The following PLCB3 variants were observed in gnomAD, a reference collection of about 807,000 sequenced individuals.
The protein encoded by PLCB3 is phospholipase C beta 3.
In PLCB3, 54 loss-of-function variants were observed where a neutral mutation model predicts 152.1. The observed-to-expected ratio is 0.36, with a 90% confidence interval of 0.29 to 0.45. The LOEUF is 0.45. Ranked by LOEUF, PLCB3 falls within the 20% of genes least tolerant of loss-of-function variation. The pLI, the probability that PLCB3 is intolerant of heterozygous loss-of-function variation, is 1.00. For missense variants in PLCB3, 1,248 were observed against 1,687.5 expected, an observed-to-expected ratio of 0.74 and a Z score of 4.56; for synonymous variants, 717 against 698.7, an observed-to-expected ratio of 1.03 and a Z score of -0.41.
Position 64,255,631 on chromosome 11 carries a change from G to GT in PLCB3, c.597+15_597+16insT. On this transcript the variant is annotated intron_variant, in intron 7 of 30. Transcript: ENST00000279230. This position sits in a 1 kb window ranked among gnomAD's most constrained non-coding sequence, Gnocchi z 6.8. Reference sequence around the variant, plus strand: ...AATTCAACCGGGTGTGTGGGGTGGGGACAGGGGCGGGGTGGGGTGTCACGG... The same window carrying GT: ...AATTCAACCGGGTGTGTGGGGTGGGGTACAGGGGCGGGGTGGGGTGTCACGG... The GT allele has an allele frequency of 1.7e-6, 1 of 604,044 alleles. No homozygotes were observed. Among genetic ancestry groups the GT allele is most frequent in the Non-Finnish European group, 3.1e-6 (1 of 321,542 alleles). The allele number at this position is 604,044 out of a possible 1,614,324, so 37.4% of individuals were successfully genotyped here. A position where few individuals can be genotyped will look rare whatever the true frequency, so the allele number is the denominator to read the frequency against.
In PLCB3 at chr11:64,265,149, C is replaced by G. The variant is rs1471498825; in HGVS notation, c.2807-43C>G. 34 of 1,559,786 alleles carry G rather than the reference C, an allele frequency of 2.2e-5. 1 individual carries two copies. The highest frequency in any genetic ancestry group is 3.0e-5 in the Non-Finnish European group (34 of 1,147,434). ...GGGGGTGGGCTGCAGGGAGGCACCC[C>G]CCACCCTGTCCTCCAGCTCCTCACA... is the stretch of plus-strand genomic sequence containing the variant. On this transcript the variant is annotated intron_variant, in intron 23 of 30. Coordinates refer to ENST00000279230, the MANE Select transcript of PLCB3 (RefSeq NM_000932.5).
chr11:64,258,768 C>A lies in PLCB3; in HGVS notation c.1253+55C>A. ...GGACCGGGGGACAGTCTTCCAGCTT[C>A]AGTGCTGTTGGACTGCTCAGGGACC... is the stretch of plus-strand genomic sequence containing the variant. On this transcript the variant is annotated intron_variant, in intron 11 of 30. Transcript: ENST00000279230. This position sits in a 1 kb window ranked among gnomAD's most constrained non-coding sequence, Gnocchi z 7.2. 6.2e-7 allele frequency: 1 copy of A among 1,608,822 alleles called. No individual in the cohort carries two copies.
chr11:64,264,214 G>GC, intron 22 of PLCB3, 102 bp downstream of exon 22: 4 of 737,072 alleles, frequency 5.4e-6, no homozygotes, highest in South Asian at 2.3e-5. Context: ...TCTCTCTAGC[G>GC]CAGTAGGCTT....
intron 14 of PLCB3, among the ~76,000 whole-genome samples, chr11:64,260,443 G>A (rs1282875229): frequency 6.6e-6 from 1 of 152,080 alleles, no homozygotes; most frequent in Non-Finnish European, 1.5e-5. Context: ...GTGCGAGTTA[G>A]GGTACAGAAC....
chr11:64,265,989 G>A lies in PLCB3; in HGVS notation c.3139G>A (p.Glu1047Lys), dbSNP rs543434519. 2 of 1,614,100 alleles carry A rather than the reference G, an allele frequency of 1.2e-6. No individual in the cohort carries two copies. Among genetic ancestry groups the A allele is most frequent in the South Asian group, 1.1e-5 (1 of 91,086 alleles). The change falls in exon 26 of 31, where the codon GAG (glutamate) becomes AAG (lysine). Residue 1047 changes from glutamate to lysine, a missense_variant. Physicochemically the swap from Glu to Lys is moderately conservative, Grantham distance 56. This residue lies in a region of PLCB3 where 477 missense variants were observed against 489.6 expected (regional missense o/e 0.97). Coordinates refer to ENST00000279230, the MANE Select transcript of PLCB3 (RefSeq NM_000932.5). The stretch of plus-strand genomic sequence containing the variant: ...GGTGCAGAGCCTGCTGGAGCTGCGG[G>A]AGGCCCAGGTGGACGCAGAGGCCCA... ...RQVQSLLELR[E>K]AQVDAEAQRR...
chr11:64,267,584 C>T lies in PLCB3; in HGVS notation c.*28C>T. On this transcript the variant is annotated 3_prime_UTR_variant, in exon 31 of 31. Transcript: ENST00000279230. This position sits in a 1 kb window ranked among gnomAD's most constrained non-coding sequence, Gnocchi z 5.2. ...TGGCTGAGCGAGGTGGCCACAGGGCCAGGGCGGGCGCTGGGTGGAGGGCAG... is the reference window on the plus strand; with the variant it reads ...TGGCTGAGCGAGGTGGCCACAGGGCTAGGGCGGGCGCTGGGTGGAGGGCAG... 3 of 1,526,744 alleles carry T rather than the reference C, an allele frequency of 2.0e-6. No individual in the cohort carries two copies. Among genetic ancestry groups the T allele is most frequent in the Non-Finnish European group, 1.8e-6 (2 of 1,135,028 alleles). The allele number at this position is 1,526,744 out of a possible 1,614,324, so 94.6% of individuals were successfully genotyped here. A position where few individuals can be genotyped will look rare whatever the true frequency, so the allele number is the denominator to read the frequency against.
At chr11:64,264,261 A>C in intron 22 of PLCB3, 149 bp downstream of exon 22, 1 of 527,430 alleles carries the variant, frequency 1.9e-6, no homozygotes, top group African/African-American at 2.0e-5. Context: ...AAAACCACCC[A>C]TTTGCATTCA....
chr11:64,262,198 C>G, intron 17 of PLCB3, 122 bp downstream of exon 17: 1 of 1,438,966 alleles, frequency 6.9e-7, no homozygotes, highest in South Asian at 1.2e-5. Flanking sequence ...CCCAGGGGAA[C>G]CCAGCTCCCG....
chr11:64,266,343 G>C lies in PLCB3; in HGVS notation c.3295G>C (p.Asp1099His). The change falls in exon 28 of 31, where the codon GAC becomes CAC. Residue 1099 changes from aspartate to histidine, a missense_variant. Physicochemically the swap from Asp to His is moderately conservative, Grantham distance 81. Around this residue, in one of 6 missense-constraint regions of PLCB3, gnomAD observed 477 missense variants for 489.6 expected, o/e 0.97. Transcript: ENST00000279230. The surrounding 1 kb of genome is among the most constrained non-coding windows in gnomAD (Gnocchi z 4.9). ...GAAGAAGGAGCTGCAGAAGATCCTG[G>C]ACAGAAAGCGCCATAACAGCATCTC... The part of the protein sequence containing the change: ...REKKELQKIL[D>H]RKRHNSISEA... 2.5e-6 allele frequency: 4 copies of C among 1,613,322 alleles called. No homozygotes were observed. The highest frequency in any genetic ancestry group is 3.4e-6 in the Non-Finnish European group (4 of 1,179,816).
Position 64,256,680 on chromosome 11 carries a change from C to T in PLCB3, c.928C>T (p.Leu310=), listed in dbSNP as rs143997731. ...LGGEENGILP[L]EALDLSTDMT... ...AGGCGAGGAGAATGGCATCCTGCCCCTGGAAGCCCTGGATCTGAGCACGGA... is the reference window on the plus strand; with the variant it reads ...AGGCGAGGAGAATGGCATCCTGCCCTTGGAAGCCCTGGATCTGAGCACGGA... Residue 310 remains leucine, a synonymous_variant, in exon 10 of 31, where the codon CTG becomes TTG. Transcript: ENST00000279230. The T allele has an allele frequency of 5.7e-5, 92 of 1,614,220 alleles. No homozygotes were observed. In the African/African-American group the frequency reaches 1.1e-3, roughly 19 times the overall value.
Position 64,260,091 on chromosome 11 carries a change from C to T in PLCB3, c.1588C>T (p.Pro530Ser). ...TGGGGAGGAGGTAGGGCTTGAGAAG[C>T]CCAGCCTGGAGCCTCAGAAGTCTCT... ...SNGEEVGLEKPSLEPQKSLGD... is the reference protein window; with the variant it reads ...SNGEEVGLEKSSLEPQKSLGD... Residue 530 changes from proline to serine, a missense_variant, in exon 14 of 31, where the codon CCC (proline) becomes TCC (serine). By Grantham distance (74) the Pro-to-Ser change is moderately conservative. Coordinates refer to ENST00000279230, the MANE Select transcript of PLCB3 (RefSeq NM_000932.5). 6.2e-7 allele frequency: 1 copy of T among 1,612,112 alleles called. No individual in the cohort carries two copies. Among genetic ancestry groups the T allele is most frequent in the South Asian group, 1.1e-5 (1 of 90,804 alleles).
chr11:64,258,836 G>C lies in PLCB3; in HGVS notation c.1254-49G>C. ...CCACTGACATGTCCCGTAGACCTCA[G>C]CTTCCTCTCTGGGGGAGGGATCTCT... is the stretch of plus-strand genomic sequence containing the variant. On this transcript the variant is annotated intron_variant, in intron 11 of 30. Transcript: ENST00000279230. This position sits in a 1 kb window ranked among gnomAD's most constrained non-coding sequence, Gnocchi z 7.2. 1.2e-6 allele frequency: 2 copies of C among 1,610,280 alleles called. No homozygotes were observed. Among genetic ancestry groups the C allele is most frequent in the East Asian group, 4.5e-5 (2 of 44,822 alleles).
Position 64,267,483 on chromosome 11 carries a change from G to A in PLCB3, c.3632G>A (p.Gly1211Asp). The change falls in exon 31 of 31, where the codon GGT (glycine) becomes GAT (aspartate). Residue 1211 changes from glycine (G) to aspartate (D), a missense_variant. Gly to Asp is a moderately conservative substitution (Grantham distance 94, BLOSUM62 -1). Coordinates refer to ENST00000279230, the MANE Select transcript of PLCB3 (RefSeq NM_000932.5). The surrounding 1 kb of genome is among the most constrained non-coding windows in gnomAD (Gnocchi z 5.2). The part of the protein sequence containing the change: ...DGPLVACASN[G>D]HAPGSSGHLS... Reference sequence around the variant, plus strand: ...CCTCTGGTGGCCTGTGCCAGCAACGGTCACGCACCCGGGAGCAGCGGGCAC... The same window carrying A: ...CCTCTGGTGGCCTGTGCCAGCAACGATCACGCACCCGGGAGCAGCGGGCAC... The A allele has an allele frequency of 6.4e-7, 1 of 1,567,524 alleles. No homozygotes were observed. The highest frequency in any genetic ancestry group is 1.8e-5 in the Admixed American group (1 of 54,422).
Position 64,258,877 on chromosome 11 carries a change from T to G in PLCB3, c.1254-8T>G. On this transcript the variant is annotated splice_region_variant and splice_polypyrimidine_tract_variant and intron_variant, in intron 11 of 30. Coordinates refer to ENST00000279230, the MANE Select transcript of PLCB3 (RefSeq NM_000932.5). The surrounding 1 kb of genome is among the most constrained non-coding windows in gnomAD (Gnocchi z 7.2). ...AGGGATCTCTGACCTCTGACCTCGG[T>G]TCCGCAGGGCAAAGCAACAGGCAAA... The G allele has an allele frequency of 6.2e-7, 1 of 1,613,806 alleles. No individual in the cohort carries two copies. Among genetic ancestry groups the G allele is most frequent in the South Asian group, 1.1e-5 (1 of 91,072 alleles).
rs775088181 is a variant in PLCB3, at chr11:64,256,745, G to T, written c.993G>T (p.Ser331=). ...QPLSAYFINS[S]HNTYLTAGQL... The stretch of plus-strand genomic sequence containing the variant: ...TGAGTGCCTACTTCATCAACTCCTC[G>T]CATAACACCTATCTCACTGGTGAGT... The change falls in exon 10 of 31, where the codon TCG becomes TCT. Residue 331 remains serine, a synonymous_variant. Coordinates refer to ENST00000279230, the MANE Select transcript of PLCB3 (RefSeq NM_000932.5). 1.9e-6 allele frequency: 3 copies of T among 1,614,026 alleles called. No individual in the cohort carries two copies. The highest frequency in any genetic ancestry group is 2.5e-6 in the Non-Finnish European group (3 of 1,180,024).
At chr11:64,264,862 G>A (rs1474137157) in intron 22 of PLCB3, 89 bp from the exon 23 acceptor site, 2 of 1,273,246 alleles carry the variant, frequency 1.6e-6, no homozygotes, top group African/African-American at 1.5e-5. Context: ...GGCTGACAGG[G>A]GTGCTAGGGG....
At chr11:64,251,843 C>G in intron 1 of PLCB3, 95 bp downstream of exon 1, 1 of 653,828 alleles carries the variant, frequency 1.5e-6, no homozygotes, top group Non-Finnish European at 2.3e-6. Flanking sequence ...CTCGCCTGCC[C>G]GTGGCGCCAC....
At position 64,267,289 on chromosome 11, in the gene PLCB3, C is replaced by T; in HGVS notation, c.3501+18C>T. The T allele has an allele frequency of 6.4e-7, 1 of 1,550,816 alleles. No individual in the cohort carries two copies. ...AGCCCAAGGTGAGGCCATGGGCGAA[C>T]AGGTGGGCAGACGGGGTGCAAGGCA... On this transcript the variant is annotated intron_variant, in intron 30 of 30. Coordinates refer to ENST00000279230, the MANE Select transcript of PLCB3 (RefSeq NM_000932.5). This position sits in a 1 kb window ranked among gnomAD's most constrained non-coding sequence, Gnocchi z 5.2.
chr11:64,258,989 G>C lies in PLCB3; in HGVS notation c.1338+20G>C, dbSNP rs369813799. 14 of 1,613,040 alleles carry C rather than the reference G, an allele frequency of 8.7e-6. No individual in the cohort carries two copies. The African/African-American group carries it at 1.2e-4, about 14-fold the overall frequency. ...TACCCGGTACGGGAGCTCGGAGCGAGGGGGGTGGCATGGGGGCCAGGGTGC... is the reference window on the plus strand; with the variant it reads ...TACCCGGTACGGGAGCTCGGAGCGACGGGGGTGGCATGGGGGCCAGGGTGC... On this transcript the variant is annotated intron_variant, in intron 12 of 30. Transcript: ENST00000279230. This position sits in a 1 kb window ranked among gnomAD's most constrained non-coding sequence, Gnocchi z 7.2.
Sources: gnomAD v4.1 joint callset for allele counts (sites outside exome capture counted in the v4.1 genomes callset) on GRCh38, gnomAD v4.1.1 for gene constraint, gnomAD v4.1.1 regional missense constraint, Gnocchi (gnomAD v3.1) non-coding constraint, MANE v1.5 for transcripts, NCBI Gene and HGNC (gene_info 2026-07-23, HGNC 2026-07-21) for gene names.